The following EIF3M variants were observed in gnomAD, a reference collection of about 807,000 sequenced individuals.
EIF3M encodes eukaryotic translation initiation factor 3 subunit M.
In EIF3M, 25 loss-of-function variants were observed where a neutral mutation model predicts 49.7. That is an observed-to-expected ratio of 0.50 (90% CI 0.37 to 0.70). EIF3M has a LOEUF of 0.70. Among genes scored for constraint, EIF3M ranks in the 30% least tolerant of loss-of-function variants. EIF3M has a pLI of 0.00. For missense variants in EIF3M, 350 were observed against 440.0 expected (o/e 0.80, Z 1.83); for synonymous variants, 156 against 149.8 (o/e 1.04, Z -0.30).
rs1252322908 is a variant in EIF3M, at chr11:32,603,668, T to A, written c.*1269T>A. On this transcript the variant is annotated 3_prime_UTR_variant, in exon 11 of 11. Coordinates refer to ENST00000531120, the MANE Select transcript of EIF3M (RefSeq NM_006360.6). Reference sequence around the variant, plus strand: ...TTTTATGGATGTTTGATATATCTCCTACTACTGAATGTTTGTTTCCAGTTT... The same window carrying A: ...TTTTATGGATGTTTGATATATCTCCAACTACTGAATGTTTGTTTCCAGTTT... 4 of 152,236 alleles carry A rather than the reference T, an allele frequency of 2.6e-5. No individual in the cohort carries two copies. Among genetic ancestry groups the A allele is most frequent in the African/African-American group, 9.6e-5 (4 of 41,458 alleles). The allele number at this position is 152,236 out of a possible 1,614,324, so 9.4% of individuals were successfully genotyped here. A position where few individuals can be genotyped will look rare whatever the true frequency, so the allele number is the denominator to read the frequency against.
At chr11:32,589,740 C>T (rs1444235470) in intron 5 of EIF3M, 99 bp downstream of exon 5, 2 of 902,604 alleles carry the variant, frequency 2.2e-6, no homozygotes, top group Non-Finnish European at 3.4e-6. Context: ...TTGCTTTACT[C>T]TGTTCTCCAC....
Position 32,583,874 on chromosome 11 carries a change from C to T in EIF3M, c.-14C>T, listed in dbSNP as rs1351808624. On this transcript the variant is annotated 5_prime_UTR_variant, in exon 1 of 11. Transcript: ENST00000531120. ...TCTTGCGAGTGGAGTGTCCGCTGTG[C>T]CCGGGCCTGCACCATGAGCGTCCCG... 3.7e-6 allele frequency: 6 copies of T among 1,612,626 alleles called. No individual in the cohort carries two copies. Among genetic ancestry groups the T allele is most frequent in the Middle Eastern group, 1.6e-4 (1 of 6,074 alleles).
At chr11:32,594,768 C>A in intron 6 of EIF3M, 146 bp from the exon 7 acceptor site, 1 of 599,204 alleles carries the variant, frequency 1.7e-6, no homozygotes, top group Non-Finnish European at 2.8e-6. Flanking sequence ...CTGTCTTAAC[C>A]CAATCCTGTA....
At position 32,588,717 on chromosome 11, in the gene EIF3M, C is replaced by G. The variant is rs1324629840; in HGVS notation, c.299C>G (p.Ser100Cys). The G allele has an allele frequency of 6.2e-7, 1 of 1,614,212 alleles. No individual in the cohort carries two copies. The highest frequency in any genetic ancestry group is 8.5e-7 in the Non-Finnish European group (1 of 1,180,036). The change falls in exon 3 of 11, where the codon TCT becomes TGT. Residue 100 changes from serine (S) to cysteine (C), a missense_variant. By Grantham distance (112) the Ser-to-Cys change is moderately radical (BLOSUM62 -1). Coordinates refer to ENST00000531120, the MANE Select transcript of EIF3M (RefSeq NM_006360.6). ...LVKFREGERP[S>C]LRLQLLSNLF... ...AAATTTCGCGAAGGTGAACGCCCGT[C>G]TCTGAGACTGCAGTTGTAAGTTAAG... is the stretch of plus-strand genomic sequence containing the variant.
chr11:32,587,555 A>G (rs924943223), intron 2 of EIF3M, among the ~76,000 whole-genome samples: 6 of 152,236 alleles, frequency 3.9e-5, no homozygotes, highest in African/African-American at 1.4e-4. Context: ...TATTATACCT[A>G]TAAAGTAAAC....
intron 8 of EIF3M, 78 bp from the exon 9 acceptor site, chr11:32,600,611 C>T (rs904806129): frequency 7.3e-7 from 1 of 1,372,970 alleles, no homozygotes; most frequent in Non-Finnish European, 9.5e-7. Context: ...ATAATTTCCA[C>T]AGCTTAACAT....
intron 1 of EIF3M, chr11:32,584,273 T>C (rs919487321): frequency 1.8e-5 from 6 of 340,684 alleles, no homozygotes; most frequent in Admixed American, 1.4e-4. Flanking sequence ...GAATCTGTAG[T>C]TAGCATAAGC....
rs1418211865 is a variant in EIF3M, at chr11:32,602,474, T to A, written c.*75T>A. 5 of 1,526,408 alleles carry A rather than the reference T, an allele frequency of 3.3e-6. No homozygotes were observed. Among genetic ancestry groups the A allele is most frequent in the Admixed American group, 2.0e-5 (1 of 48,960 alleles). 94.6% of individuals were successfully genotyped at this position (1,526,408 alleles called of 1,614,324 possible). Reference sequence around the variant, plus strand: ...AGTAAAACATTATAAACTAAAAAAATTTGCCTAGTCTGGACAGTTATTGTC... The same window carrying A: ...AGTAAAACATTATAAACTAAAAAAAATTGCCTAGTCTGGACAGTTATTGTC... On this transcript the variant is annotated 3_prime_UTR_variant, in exon 11 of 11. Coordinates refer to ENST00000531120, the MANE Select transcript of EIF3M (RefSeq NM_006360.6).
intron 1 of EIF3M, among the ~76,000 whole-genome samples, chr11:32,586,052 A>C (rs1368398995): frequency 6.6e-6 from 1 of 152,190 alleles, no homozygotes; most frequent in Non-Finnish European, 1.5e-5. Flanking sequence ...GAACATGATG[A>C]AACCCTGCCT....
At chr11:32,601,680 T>G (rs1855267782) in intron 9 of EIF3M, 82 bp from the exon 10 acceptor site, 1 of 1,293,518 alleles carries the variant, frequency 7.7e-7, no homozygotes, top group Non-Finnish European at 1.1e-6. Context: ...TATTATGGCT[T>G]ACTTGGTCAC....
chr11:32,588,294 C>T (rs531429913), intron 2 of EIF3M, among the ~76,000 whole-genome samples: 11 of 147,068 alleles, frequency 7.5e-5, no homozygotes, highest in African/African-American at 1.3e-4. Flanking sequence ...GAGGCTGAGA[C>T]GGGAGAATCG....
rs1855315715 is a variant in EIF3M at position 32,604,222 on chromosome 11, C to T, written c.*1823C>T. The stretch of plus-strand genomic sequence containing the variant: ...ATTGCAGCCTTGACCTCCCTGGATT[C>T]AGGTGATCCTCCCACCTTCACCTCC... On this transcript the variant is annotated 3_prime_UTR_variant, in exon 11 of 11. Coordinates refer to ENST00000531120, the MANE Select transcript of EIF3M (RefSeq NM_006360.6). 6.6e-6 allele frequency: 1 copy of T among 152,236 alleles called. No individual in the cohort carries two copies. Among genetic ancestry groups the T allele is most frequent in the Admixed American group, 6.5e-5 (1 of 15,280 alleles). The allele number at this position is 152,236 out of a possible 1,614,324, so 9.4% of individuals were successfully genotyped here.
Position 32,603,401 on chromosome 11 carries a change from G to A in EIF3M, c.*1002G>A, listed in dbSNP as rs965536639. ...TGTTAAATAACTTTTTCATTTTAAGGTTCTTTTCTGATGTTAAAATACTTA... is the reference window on the plus strand; with the variant it reads ...TGTTAAATAACTTTTTCATTTTAAGATTCTTTTCTGATGTTAAAATACTTA... On this transcript the variant is annotated 3_prime_UTR_variant, in exon 11 of 11. Transcript: ENST00000531120. The A allele has an allele frequency of 2.5e-5, 4 of 158,592 alleles. No individual in the cohort carries two copies. Among genetic ancestry groups the A allele is most frequent in the Non-Finnish European group, 5.5e-5 (4 of 72,766 alleles). 9.8% of individuals were successfully genotyped at this position (158,592 alleles called of 1,614,324 possible).
intron 1 of EIF3M, among the ~76,000 whole-genome samples, chr11:32,586,102 G>T (rs1391731612): frequency 1.3e-5 from 2 of 152,128 alleles, no homozygotes; most frequent in Admixed American, 1.3e-4. Flanking sequence ...GGTGGCGCAT[G>T]CCTGTAATCC....
rs768823540 is a variant in EIF3M at position 32,583,941 on chromosome 11, T to C, written c.42+12T>C. On this transcript the variant is annotated intron_variant, in intron 1 of 10. Coordinates refer to ENST00000531120, the MANE Select transcript of EIF3M (RefSeq NM_006360.6). ...GTGAAGAAGATCAGGTGTGCTTCGGTCTACGGGTGCCGCCACGGTGGGGTG... is the reference window on the plus strand; with the variant it reads ...GTGAAGAAGATCAGGTGTGCTTCGGCCTACGGGTGCCGCCACGGTGGGGTG... 1 of 1,613,798 alleles carries C rather than the reference T, an allele frequency of 6.2e-7. No individual in the cohort carries two copies. Among genetic ancestry groups the C allele is most frequent in the South Asian group, 1.1e-5 (1 of 91,038 alleles).
rs761861749 is a variant in EIF3M at position 32,602,309 on chromosome 11, G to A, written c.1035G>A (p.Gln345=). ...GCACACATCGGACATTTGGAAAACA[G>A]CAGTGGCAACAACTGTATGACACAC... The part of the protein sequence containing the change: ...SHSTHRTFGK[Q]QWQQLYDTLN... Residue 345 remains glutamine (Q), a synonymous_variant, in exon 11 of 11, where the codon CAG becomes CAA. Coordinates refer to ENST00000531120, the MANE Select transcript of EIF3M (RefSeq NM_006360.6). The A allele has an allele frequency of 1.2e-6, 2 of 1,611,872 alleles. No homozygotes were observed. The highest frequency in any genetic ancestry group is 1.7e-5 in the Admixed American group (1 of 59,972).
At chr11:32,586,537 A>G (rs1855000817) in intron 1 of EIF3M, among the ~76,000 whole-genome samples, 1 of 152,234 alleles carries the variant, frequency 6.6e-6, no homozygotes, top group South Asian at 2.1e-4. Context: ...TCAACTGATT[A>G]ACAAATGATT....
At chr11:32,587,930 T>C (rs1855025474) in intron 2 of EIF3M, among the ~76,000 whole-genome samples, 1 of 152,246 alleles carries the variant, frequency 6.6e-6, no homozygotes. Flanking sequence ...AGCAGAGAGC[T>C]GACAGCTTTA....
At position 32,600,735 on chromosome 11, in the gene EIF3M, T is replaced by G. The variant is rs1395027408; in HGVS notation, c.846T>G (p.Phe282Leu). Residue 282 changes from phenylalanine to leucine, a missense_variant, in exon 9 of 11, where the codon TTT becomes TTG. Phe to Leu is a conservative substitution (Grantham distance 22, BLOSUM62 0). Transcript: ENST00000531120. ...TGGCAAAAATGAGACTACTTACTTT[T>G]ATGGGAATGGCAGTAGAAAATAAGG... ...QNMAKMRLLTFMGMAVENKEI... is the reference protein window; with the variant it reads ...QNMAKMRLLTLMGMAVENKEI... The G allele has an allele frequency of 6.2e-7, 1 of 1,611,842 alleles. No individual in the cohort carries two copies. Among genetic ancestry groups the G allele is most frequent in the East Asian group, 2.2e-5 (1 of 44,746 alleles).
Sources: allele counts gnomAD v4.1 joint callset (sites outside exome capture counted in the v4.1 genomes callset), GRCh38; gene constraint gnomAD v4.1.1; transcripts MANE v1.5; gene names NCBI Gene and HGNC (gene_info 2026-07-23, HGNC 2026-07-21).